The following INPP4B variants were observed in gnomAD, a reference collection of about 807,000 sequenced individuals.
INPP4B encodes inositol polyphosphate-4-phosphatase type II B, also known as inositol polyphosphate 4-phosphatase type II.
INPP4B carries 55 observed loss-of-function variants against 122.5 expected under a neutral mutation model. That is an observed-to-expected ratio of 0.45 (90% confidence interval 0.36 to 0.56). INPP4B has a LOEUF of 0.56. INPP4B is among the 20% of genes least tolerant of loss of function. The pLI is 0.00. For synonymous variants in INPP4B, 403 were observed against 388.7 expected, an observed-to-expected ratio of 1.04 and a Z score of -0.43; for missense variants, 1,000 against 1,097.7, an observed-to-expected ratio of 0.91 and a Z score of 1.26.
intron 2 of INPP4B, among the ~76,000 whole-genome samples, chr4:142,571,089 C>CAAAAAA (rs374253787): frequency 2.4e-5 from 2 of 84,252 alleles, no homozygotes; most frequent in Non-Finnish European, 2.6e-5. Flanking sequence ...TCATGTTTCT[C>CAAAAAA]AAAAAAAAAA....
intron 1 of INPP4B, among the ~76,000 whole-genome samples, chr4:142,743,835 T>C (rs1768255650): frequency 6.6e-6 from 1 of 151,894 alleles, no homozygotes; most frequent in Non-Finnish European, 1.5e-5. Flanking sequence ...ACAAAATGTA[T>C]ACCCTGGGAT....
intron 23 of INPP4B, among the ~76,000 whole-genome samples, chr4:142,088,921 T>G (rs745856569): frequency 1.6e-4 from 24 of 152,224 alleles, no homozygotes; most frequent in Middle Eastern, 6.8e-3. Context: ...CATAACTCAG[T>G]AAAGATTTGT....
Position 142,705,866 on chromosome 4 carries a change from C to T in INPP4B, c.-191+19973G>A, listed in dbSNP as rs192692316. Reference sequence around the variant, plus strand: ...TTAGACAGTGTTTCCAGGCTGCCAGCCTTACTCCTTGGTATCTATTCTCCA... The same window carrying T: ...TTAGACAGTGTTTCCAGGCTGCCAGTCTTACTCCTTGGTATCTATTCTCCA... On this transcript the variant is annotated intron_variant, in intron 2 of 25. Transcript: ENST00000262992. Among the ~76,000 whole-genome samples, 36 of 152,322 alleles carry T rather than the reference C, an allele frequency of 2.4e-4. No homozygotes were observed. In the East Asian group the frequency reaches 6.4e-3, roughly 27 times the overall value.
intron 7 of INPP4B, among the ~76,000 whole-genome samples, chr4:142,344,330 A>C (rs1779634883): frequency 6.6e-6 from 1 of 152,040 alleles, no homozygotes; most frequent in African/African-American, 2.4e-5. Context: ...TGCTATGTGT[A>C]TATTTTAATG....
At chr4:142,368,027 G>A (rs545286234) in intron 7 of INPP4B, among the ~76,000 whole-genome samples, 5 of 152,212 alleles carry the variant, frequency 3.3e-5, no homozygotes, top group East Asian at 1.9e-4. Flanking sequence ...AAGGCTCACC[G>A]TTGCCTGAAG....
At chr4:142,219,502 G>A (rs150242259) in intron 12 of INPP4B, among the ~76,000 whole-genome samples, 30 of 152,286 alleles carry the variant, frequency 2.0e-4, no homozygotes, top group African/African-American at 6.7e-4. Context: ...AAAGCTTAGT[G>A]CTCCACTTAT....
chr4:142,289,999 T>A (rs1297885822), intron 9 of INPP4B, among the ~76,000 whole-genome samples: 1 of 152,068 alleles, frequency 6.6e-6, no homozygotes, highest in Non-Finnish European at 1.5e-5. Flanking sequence ...AGAGTCCTCC[T>A]GACTGGTCCC....
At chr4:142,044,089 A>G (rs28392892) in intron 25 of INPP4B, among the ~76,000 whole-genome samples, 76 of 93,970 alleles carry the variant, frequency 8.1e-4, no homozygotes, top group African/African-American at 2.0e-3. Context: ...ATCAGAAAGA[A>G]AAAATTTAAA....
chr4:142,662,865 C>G (rs1415091838), intron 2 of INPP4B, among the ~76,000 whole-genome samples: 1 of 152,060 alleles, frequency 6.6e-6, no homozygotes, highest in Non-Finnish European at 1.5e-5. Flanking sequence ...TTTAAAAATT[C>G]CTGGCTATGG....
At chr4:142,556,438 A>G (rs1394922074) in intron 2 of INPP4B, among the ~76,000 whole-genome samples, 1 of 152,146 alleles carries the variant, frequency 6.6e-6, no homozygotes, top group African/African-American at 2.4e-5. Flanking sequence ...GAATTATGGT[A>G]ATTTAAATAG....
chr4:142,259,499 G>A (rs1204231268), intron 11 of INPP4B, among the ~76,000 whole-genome samples: 2 of 151,548 alleles, frequency 1.3e-5, no homozygotes, highest in African/African-American at 2.4e-5. Context: ...CTAGGTACAG[G>A]ATTAAAAACA....
At chr4:142,602,573 C>G (rs1010805225) in intron 2 of INPP4B, among the ~76,000 whole-genome samples, 6 of 152,044 alleles carry the variant, frequency 3.9e-5, no homozygotes, top group Non-Finnish European at 8.8e-5. Flanking sequence ...AGACACTTTT[C>G]AAAAGAAGAC....
Position 142,291,768 on chromosome 4 carries a change from A to C in INPP4B, c.503+13690T>G, listed in dbSNP as rs371936096. Reference sequence around the variant, plus strand: ...TTGAGGAATGGACCTATAAGGTATAAAAAAAGAAAAAATATTCACTAAAAA... The same window carrying C: ...TTGAGGAATGGACCTATAAGGTATACAAAAAGAAAAAATATTCACTAAAAA... On this transcript the variant is annotated intron_variant, in intron 9 of 25. Coordinates refer to ENST00000262992, the MANE Select transcript of INPP4B (RefSeq NM_001101669.3). Among the ~76,000 whole-genome samples the C allele has an allele frequency of 3.7e-4, 57 of 152,292 alleles. 2 individuals are homozygous for C. The South Asian group carries it at 0.012, about 32-fold the overall frequency.
chr4:142,552,187 A>C (rs772576947), intron 2 of INPP4B, among the ~76,000 whole-genome samples: 1 of 152,212 alleles, frequency 6.6e-6, no homozygotes, highest in Non-Finnish European at 1.5e-5. Flanking sequence ...AGTGTAAGAA[A>C]TACTAAATGA....
intron 2 of INPP4B, among the ~76,000 whole-genome samples, chr4:142,489,551 G>A (rs915237933): frequency 5.9e-5 from 9 of 151,892 alleles, no homozygotes; most frequent in African/African-American, 2.2e-4. Flanking sequence ...GTGCCACTAC[G>A]CTCTGCTAAT....
rs1298206082 is a variant in INPP4B, at chr4:142,435,903, G to A, written c.-126-4518C>T. 2.0e-5 allele frequency among the ~76,000 whole-genome samples: 3 copies of A among 152,172 alleles called. No homozygotes were observed. In the East Asian group the frequency reaches 5.8e-4, roughly 30 times the overall value. On this transcript the variant is annotated intron_variant, in intron 3 of 25. Transcript: ENST00000262992. ...AGTCAGCCAGGTTTCTGGGGGGAGG[G>A]GCGGCATCACCACTGCTGCTGTTGT...
chr4:142,493,658 T>C (rs1029255506), intron 2 of INPP4B, among the ~76,000 whole-genome samples: 1 of 152,188 alleles, frequency 6.6e-6, no homozygotes, highest in African/African-American at 2.4e-5. Context: ...CTGTATTTAC[T>C]CAATGCTTGT....
intron 2 of INPP4B, among the ~76,000 whole-genome samples, chr4:142,683,889 A>G (rs1293086453): frequency 4.6e-5 from 7 of 151,964 alleles, no homozygotes; most frequent in African/African-American, 1.7e-4. Flanking sequence ...TCACAGAATA[A>G]TTGGTGTTTG....
At chr4:142,773,214 A>G (rs943340624) in intron 1 of INPP4B, among the ~76,000 whole-genome samples, 3 of 152,172 alleles carry the variant, frequency 2.0e-5, no homozygotes, top group African/African-American at 7.2e-5. Flanking sequence ...ATGAGTTAAT[A>G]TTAATAAATA....
Sources: allele counts gnomAD v4.1 joint callset (sites outside exome capture counted in the v4.1 genomes callset), GRCh38; gene constraint gnomAD v4.1.1; transcripts MANE v1.5; gene names NCBI Gene and HGNC (gene_info 2026-07-23, HGNC 2026-07-21).